Variants in LRRC8D observed in about 807,000 individuals in gnomAD.
The protein encoded by LRRC8D is leucine rich repeat containing 8 VRAC subunit D.
In LRRC8D, 20 loss-of-function variants were observed where a neutral mutation model predicts 55.8. The ratio of observed to expected loss-of-function variants is 0.36; its 90% confidence interval spans 0.25 to 0.52. LRRC8D has a LOEUF of 0.52. Ranked by LOEUF, LRRC8D falls within the 20% of genes least tolerant of loss-of-function variation. LRRC8D has a pLI of 0.93. For missense variants in LRRC8D, 651 were observed against 1,030.8 expected (o/e 0.63, Z 5.05); for synonymous variants, 352 against 377.0 (o/e 0.93, Z 0.77).
At chr1:89,834,407 T>C (rs1230326176) in intron 1 of LRRC8D, among the ~76,000 whole-genome samples, 1 of 152,178 alleles carries the variant, frequency 6.6e-6, no homozygotes, top group East Asian at 1.9e-4. Context: ...ATATCAGCCA[T>C]GAAGGTTGGT....
chr1:89,856,627 C>T (rs1316460503), intron 2 of LRRC8D, among the ~76,000 whole-genome samples: 2 of 152,174 alleles, frequency 1.3e-5, no homozygotes, highest in Non-Finnish European at 2.9e-5. Flanking sequence ...CAGTTTACTG[C>T]TATGATCTTA....
intron 2 of LRRC8D, among the ~76,000 whole-genome samples, chr1:89,903,773 C>T (rs1662922228): frequency 6.6e-6 from 1 of 152,152 alleles, no homozygotes; most frequent in Non-Finnish European, 1.5e-5. Context: ...AACTGTGATT[C>T]ATAAAAAGGA....
intron 2 of LRRC8D, among the ~76,000 whole-genome samples, chr1:89,866,815 A>G (rs1047179574): frequency 6.6e-6 from 1 of 152,084 alleles, no homozygotes; most frequent in African/African-American, 2.4e-5. Context: ...TGAGGAGGGA[A>G]TAGAGAGAGC....
chr1:89,875,495 A>G (rs1662123250), intron 2 of LRRC8D, among the ~76,000 whole-genome samples: 1 of 152,196 alleles, frequency 6.6e-6, no homozygotes, highest in Admixed American at 6.5e-5. Flanking sequence ...TGTTTCATGG[A>G]TATCTATTAG....
chr1:89,895,418 T>C (rs911486257), intron 2 of LRRC8D, among the ~76,000 whole-genome samples: 1 of 152,206 alleles, frequency 6.6e-6, no homozygotes, highest in Non-Finnish European at 1.5e-5. Flanking sequence ...AAATATCTGC[T>C]TAATTTCAAA....
At chr1:89,864,772 A>G (rs767837629) in intron 2 of LRRC8D, among the ~76,000 whole-genome samples, 10 of 152,186 alleles carry the variant, frequency 6.6e-5, no homozygotes, top group Non-Finnish European at 1.0e-4. Flanking sequence ...CTCCATCTCT[A>G]GTCTAGAGTA....
chr1:89,890,688 G>C (rs1161192660), intron 2 of LRRC8D, among the ~76,000 whole-genome samples: 1 of 152,110 alleles, frequency 6.6e-6, no homozygotes, highest in Non-Finnish European at 1.5e-5. Context: ...TTATGTTAAT[G>C]CCTTACATAC....
At chr1:89,842,558 G>A (rs72716313) in intron 1 of LRRC8D, among the ~76,000 whole-genome samples, 4,475 of 152,286 alleles carry the variant, frequency 0.029, 91 homozygotes, top group Non-Finnish European at 0.046. Flanking sequence ...TCCATTTTGA[G>A]TATGGAACCA....
At chr1:89,861,601 C>G (rs568113018) in intron 2 of LRRC8D, among the ~76,000 whole-genome samples, 2 of 152,258 alleles carry the variant, frequency 1.3e-5, no homozygotes, top group African/African-American at 4.8e-5. Context: ...GACAAGTCAG[C>G]GAAGAGGTAT....
At chr1:89,830,396 GATATT>G (rs1031058681) in intron 1 of LRRC8D, among the ~76,000 whole-genome samples, 1 of 152,292 alleles carries the variant, frequency 6.6e-6, no homozygotes, top group Admixed American at 6.5e-5. Context: ...GCTCTCTTAA[GATATT>G]TTTCAATTCC....
At chr1:89,857,382 C>CAAAAAAA (rs759975883) in intron 2 of LRRC8D, among the ~76,000 whole-genome samples, 1 of 63,044 alleles carries the variant, frequency 1.6e-5, no homozygotes, top group African/African-American at 5.8e-5. Context: ...AACTCCATCT[C>CAAAAAAA]AAAAAAAAAA....
At chr1:89,924,237 A>G (rs1396327796) in intron 2 of LRRC8D, among the ~76,000 whole-genome samples, 2 of 152,206 alleles carry the variant, frequency 1.3e-5, no homozygotes, top group Non-Finnish European at 2.9e-5. Context: ...GCAAAAAACA[A>G]TCCCATTAAG....
intron 2 of LRRC8D, among the ~76,000 whole-genome samples, chr1:89,915,734 C>T (rs1242518180): frequency 2.6e-5 from 4 of 152,166 alleles, no homozygotes; most frequent in Admixed American, 1.3e-4. Context: ...ACCTCTACAA[C>T]CAAAATAGCA....
intron 2 of LRRC8D, among the ~76,000 whole-genome samples, chr1:89,862,272 T>A (rs1570833300): frequency 6.6e-6 from 1 of 152,284 alleles, no homozygotes; most frequent in South Asian, 2.1e-4. Flanking sequence ...CCTAATTTTG[T>A]TGTTATTTTC....
At chr1:89,855,466 T>C (rs2100778095) in intron 2 of LRRC8D, among the ~76,000 whole-genome samples, 1 of 152,354 alleles carries the variant, frequency 6.6e-6, no homozygotes, top group East Asian at 1.9e-4. Flanking sequence ...AGGACACTCC[T>C]TTGTAAATTA....
chr1:89,860,980 T>C (rs1039442878), intron 2 of LRRC8D, among the ~76,000 whole-genome samples: 3 of 151,790 alleles, frequency 2.0e-5, no homozygotes, highest in Admixed American at 2.0e-4. Context: ...CAGGGAGACA[T>C]ACTTTAGGTT....
chr1:89,830,077 A>G (rs964164405), intron 1 of LRRC8D, among the ~76,000 whole-genome samples: 8 of 152,346 alleles, frequency 5.3e-5, no homozygotes, highest in South Asian at 2.1e-4. Flanking sequence ...TATATCTTCA[A>G]AGTAAATGAA....
At chr1:89,873,122 A>C (rs958957570) in intron 2 of LRRC8D, among the ~76,000 whole-genome samples, 1 of 152,182 alleles carries the variant, frequency 6.6e-6, no homozygotes, top group African/African-American at 2.4e-5. Context: ...AGGCTTCTGT[A>C]ATTGTACAGG....
rs114198224 is a variant in LRRC8D at position 89,919,646 on chromosome 1, A to G, written c.-2-13421A>G. 9.6e-3 allele frequency among the ~76,000 whole-genome samples: 1,460 copies of G among 152,290 alleles called. 23 individuals carry two copies. The highest frequency in any genetic ancestry group is 0.032 in the African/African-American group (1,333 of 41,554). On this transcript the variant is annotated intron_variant, in intron 2 of 2. Transcript: ENST00000337338. ...ATAAACTGGATGAAGTTAGGCGATA[A>G]AGTTGAACCAAATTCTTCACTCAGT...
Sources: gnomAD v4.1 joint callset for allele counts (sites outside exome capture counted in the v4.1 genomes callset) on GRCh38, gnomAD v4.1.1 for gene constraint, MANE v1.5 for transcripts, NCBI Gene and HGNC (gene_info 2026-07-23, HGNC 2026-07-21) for gene names.